HSF2: variants seen among roughly 807,000 people sequenced by gnomAD.
HSF2 encodes the protein heat shock factor protein 2.
HSF2 carries 21 observed loss-of-function variants against 65.0 expected under a neutral mutation model. That is an observed-to-expected ratio of 0.32 (90% CI 0.23 to 0.47). The LOEUF is 0.47. Among genes scored for constraint, HSF2 ranks in the 20% least tolerant of loss-of-function variants. HSF2 has a pLI of 1.00. For synonymous variants in HSF2, 225 were observed against 219.1 expected, an observed-to-expected ratio of 1.03 and a Z score of -0.24; for missense variants, 499 against 628.1, an observed-to-expected ratio of 0.79 and a Z score of 2.20.
In HSF2 at chr6:122,431,434, A is replaced by G; in HGVS notation, c.1235A>G (p.Glu412Gly). ...PTDYINNTKSENKGLETTKNN... is the reference protein window; with the variant it reads ...PTDYINNTKSGNKGLETTKNN... ...ATATATATTTTTTTCTTTTAGTCTG[A>G]GAATAAAGGATTAGAAACTACCAAG... Residue 412 changes from glutamate to glycine, a missense_variant, in exon 12 of 13, where the codon GAG (glutamate) becomes GGG (glycine). Glu to Gly is a moderately conservative substitution (Grantham distance 98). Transcript: ENST00000368455. 9 of 1,495,704 alleles carry G rather than the reference A, an allele frequency of 6.0e-6. No homozygotes were observed. The highest frequency in any genetic ancestry group is 8.1e-6 in the Non-Finnish European group (9 of 1,110,268). 92.7% of individuals were successfully genotyped at this position (1,495,704 alleles called of 1,614,324 possible). A position where few individuals can be genotyped will look rare whatever the true frequency, so the allele number is the denominator to read the frequency against.
At chr6:122,431,367 T>C (rs1269803743) in intron 11 of HSF2, 63 bp from the exon 12 acceptor site, 41 of 724,104 alleles carry the variant, frequency 5.7e-5, no homozygotes, top group Non-Finnish European at 8.2e-5. Flanking sequence ...GTATCAATTT[T>C]TCATTTTTTT....
At chr6:122,415,138 G>A (rs1562201311) in intron 4 of HSF2, among the ~76,000 whole-genome samples, 4 of 152,102 alleles carry the variant, frequency 2.6e-5, no homozygotes, top group East Asian at 1.9e-4. Flanking sequence ...TCCGTGCTGC[G>A]AACATTTAAC....
chr6:122,399,572 GC>G, upstream of HSF2: 1 of 581,346 alleles, frequency 1.7e-6, no homozygotes, highest in Non-Finnish European at 3.0e-6. Flanking sequence ...ACGTGCGGCC[GC>G]CCGGCCTCTC....
At chr6:122,415,949 G>C (rs1774116381) in intron 4 of HSF2, among the ~76,000 whole-genome samples, 1 of 151,932 alleles carries the variant, frequency 6.6e-6, no homozygotes, top group Admixed American at 6.6e-5. Flanking sequence ...CCCTGGAGGT[G>C]AAGGTTGCAA....
At chr6:122,403,716 A>G (rs1773796085) in intron 1 of HSF2, among the ~76,000 whole-genome samples, 1 of 152,118 alleles carries the variant, frequency 6.6e-6, no homozygotes, top group African/African-American at 2.4e-5. Flanking sequence ...TTTTTTTAAC[A>G]TTTCCTTTAA....
chr6:122,427,880 ATCTT>A lies in HSF2; in HGVS notation c.1177-18_1177-15del. The A allele has an allele frequency of 6.4e-7, 1 of 1,557,330 alleles. No homozygotes were observed. The highest frequency in any genetic ancestry group is 8.8e-7 in the Non-Finnish European group (1 of 1,135,758). ...TTTTTAATTATTTTTTAAACTTATCATCTTTCTTGTTTGGTCTTTCAGCTTTTCA... is the reference window on the plus strand; with the variant it reads ...TTTTTAATTATTTTTTAAACTTATCATCTTGTTTGGTCTTTCAGCTTTTCA... On this transcript the variant is annotated intron_variant, in intron 10 of 12. Coordinates refer to ENST00000368455, the MANE Select transcript of HSF2 (RefSeq NM_004506.4).
chr6:122,413,492 T>A (rs1398674289), intron 3 of HSF2, 33 bp from the exon 4 acceptor site: 5 of 1,490,586 alleles, frequency 3.4e-6, no homozygotes, highest in Non-Finnish European at 4.6e-6. Flanking sequence ...GTGTTTACTG[T>A]TTCTTTGATT....
At chr6:122,401,337 A>C (rs1368236367) in intron 1 of HSF2, among the ~76,000 whole-genome samples, 1 of 152,228 alleles carries the variant, frequency 6.6e-6, no homozygotes, top group South Asian at 2.1e-4. Flanking sequence ...ACTGTTACTC[A>C]GACACGTATT....
At chr6:122,428,492 CAA>C (rs889325668) in intron 11 of HSF2, among the ~76,000 whole-genome samples, 9 of 151,790 alleles carry the variant, frequency 5.9e-5, no homozygotes, top group East Asian at 3.9e-4. Context: ...CAAGTGTTGA[CAA>C]GAGATTTTGC....
intron 7 of HSF2, among the ~76,000 whole-genome samples, chr6:122,420,601 ATAAT>A (rs1319498353): frequency 2.7e-5 from 4 of 145,578 alleles, no homozygotes; most frequent in African/African-American, 1.0e-4. Context: ...CTTCATATAA[ATAAT>A]ATCATTTTGT....
chr6:122,399,660 G>A lies in HSF2; in HGVS notation c.-78G>A, dbSNP rs994084860. The stretch of plus-strand genomic sequence containing the variant: ...GCGCCTGCGTTGTGGGCGTTCTCGG[G>A]GAGCTGCTGCCGTAGCTGCCGCCGC... On this transcript the variant is annotated 5_prime_UTR_variant, in exon 1 of 13. Transcript: ENST00000368455. 5.7e-6 allele frequency: 7 copies of A among 1,228,292 alleles called. No homozygotes were observed. The highest frequency in any genetic ancestry group is 1.3e-5 in the South Asian group (1 of 79,384). 76.1% of individuals were successfully genotyped at this position (1,228,292 alleles called of 1,614,324 possible). A position where few individuals can be genotyped will look rare whatever the true frequency, so the allele number is the denominator to read the frequency against.
intron 4 of HSF2, 121 bp downstream of exon 4, chr6:122,413,770 G>A: frequency 1.2e-6 from 1 of 812,620 alleles, no homozygotes; most frequent in Non-Finnish European, 2.0e-6. Context: ...TTGAAGCCAA[G>A]ATCAAAGGTC....
intron 11 of HSF2, among the ~76,000 whole-genome samples, chr6:122,430,564 A>G (rs1247751884): frequency 1.3e-5 from 2 of 152,060 alleles, no homozygotes; most frequent in Non-Finnish European, 2.9e-5. Context: ...CGTAGTTTTT[A>G]TTATATCTTG....
rs372791560 is a variant in HSF2 at position 122,408,848 on chromosome 6, AT to A, written c.94-3509del. ...TGTTAGAATGAGAGTTTTTAACTTCATTTTTTTTTTTTTTTTGACATCAAAT... is the reference window on the plus strand; with the variant it reads ...TGTTAGAATGAGAGTTTTTAACTTCATTTTTTTTTTTTTTTGACATCAAAT... On this transcript the variant is annotated intron_variant, in intron 1 of 12. Transcript: ENST00000368455. 4.3e-3 allele frequency among the ~76,000 whole-genome samples: 600 copies of A among 140,976 alleles called. 1 individual carries two copies. Among genetic ancestry groups the A allele is most frequent in the African/African-American group, 7.2e-3 (274 of 38,288 alleles). The allele number at this position is 140,976 out of a possible 152,430, so 92.5% of individuals were successfully genotyped here.
At chr6:122,402,770 T>G (rs1773768034) in intron 1 of HSF2, among the ~76,000 whole-genome samples, 1 of 152,130 alleles carries the variant, frequency 6.6e-6, no homozygotes, top group Non-Finnish European at 1.5e-5. Flanking sequence ...CCAGGCAGTC[T>G]CAAACTCCTG....
chr6:122,411,296 G>A (rs986809178), intron 1 of HSF2, among the ~76,000 whole-genome samples: 2 of 151,384 alleles, frequency 1.3e-5, no homozygotes, highest in African/African-American at 4.8e-5. Flanking sequence ...GTTTTTTATC[G>A]GGTTGTTTGG....
At chr6:122,426,668 A>G (rs1774345019) in intron 10 of HSF2, among the ~76,000 whole-genome samples, 1 of 152,098 alleles carries the variant, frequency 6.6e-6, no homozygotes, top group African/African-American at 2.4e-5. Flanking sequence ...TAGGACTACC[A>G]TGAATATGGA....
Position 122,431,914 on chromosome 6 carries a change from G to T in HSF2, c.1316-11G>T. 1 of 1,603,238 alleles carries T rather than the reference G, an allele frequency of 6.2e-7. No individual in the cohort carries two copies. The highest frequency in any genetic ancestry group is 1.1e-5 in the South Asian group (1 of 89,328). On this transcript the variant is annotated splice_polypyrimidine_tract_variant and intron_variant, in intron 12 of 12. Coordinates refer to ENST00000368455, the MANE Select transcript of HSF2 (RefSeq NM_004506.4). The stretch of plus-strand genomic sequence containing the variant: ...GCTGGTGATAAAAGAGTGTTTTTCT[G>T]ATCTTTATAGATAAGCAGCTTATCC...
chr6:122,423,947 T>A (rs998547100), intron 10 of HSF2, among the ~76,000 whole-genome samples: 1 of 152,112 alleles, frequency 6.6e-6, no homozygotes, highest in Non-Finnish European at 1.5e-5. Context: ...ACTGTTAAGT[T>A]CATGTCTTGT....
Sources: gnomAD v4.1 joint callset for allele counts (sites outside exome capture counted in the v4.1 genomes callset) on GRCh38, gnomAD v4.1.1 for gene constraint, MANE v1.5 for transcripts, NCBI Gene and HGNC (gene_info 2026-07-23, HGNC 2026-07-21) for gene names.